AFF4: variants seen among roughly 807,000 people sequenced by gnomAD.
AFF4 encodes the protein ALF transcription elongation factor 4, also known as AF4/FMR2 family member 4.
In AFF4, 13 loss-of-function variants were observed where a neutral mutation model predicts 124.8. The observed-to-expected ratio is 0.10, with a 90% CI of 0.07 to 0.17. The LOEUF is 0.17. Ranked by LOEUF, AFF4 falls within the 10% of genes least tolerant of loss-of-function variation. AFF4 has a pLI of 1.00. For synonymous variants in AFF4, 477 were observed against 496.1 expected (o/e 0.96, Z 0.51); for missense variants, 1,092 against 1,403.8 (o/e 0.78, Z 3.55).
chr5:132,949,794 G>A (rs1034055787), intron 1 of AFF4, among the ~76,000 whole-genome samples: 11 of 150,940 alleles, frequency 7.3e-5, no homozygotes, highest in Non-Finnish European at 1.6e-4. Flanking sequence ...CCCGGGAGGC[G>A]GAGCTAGCAG....
At chr5:132,928,030 A>G (rs997714513) in intron 4 of AFF4, among the ~76,000 whole-genome samples, 2 of 152,178 alleles carry the variant, frequency 1.3e-5, no homozygotes, top group Non-Finnish European at 2.9e-5. Context: ...GTAAGCCATC[A>G]GGTAAATTAA....
chr5:132,960,746 T>G (rs1176738326), intron 1 of AFF4, among the ~76,000 whole-genome samples: 2 of 152,262 alleles, frequency 1.3e-5, no homozygotes, highest in Admixed American at 1.3e-4. Flanking sequence ...CACATTCAAA[T>G]TCAATCTAGT....
At chr5:132,922,596 A>G (rs955348825) in intron 5 of AFF4, among the ~76,000 whole-genome samples, 3 of 151,456 alleles carry the variant, frequency 2.0e-5, no homozygotes, top group Non-Finnish European at 4.4e-5. Flanking sequence ...CCTGGCCAAC[A>G]TGGTGAAACC....
chr5:132,916,816 T>C (rs1448415216), intron 5 of AFF4, among the ~76,000 whole-genome samples: 1 of 152,212 alleles, frequency 6.6e-6, no homozygotes, highest in African/African-American at 2.4e-5. Context: ...GAAAAAACTT[T>C]TAAAATCAAA....
chr5:132,888,344 C>CA (rs1179570763), intron 14 of AFF4, among the ~76,000 whole-genome samples, 184 bp from the exon 15 acceptor site: 2 of 151,616 alleles, frequency 1.3e-5, no homozygotes, highest in Middle Eastern at 3.2e-3. Flanking sequence ...TTGTTTTGAC[C>CA]AACTCATGGC....
chr5:132,911,717 G>A (rs537514782), intron 5 of AFF4, among the ~76,000 whole-genome samples: 3 of 151,468 alleles, frequency 2.0e-5, no homozygotes, highest in South Asian at 2.1e-4. Flanking sequence ...AAATTTGATG[G>A]AAACTATAAG....
chr5:132,883,329 A>AACCTACCT lies in AFF4; in HGVS notation c.3364+3_3364+10dup. On this transcript the variant is annotated intron_variant, in intron 20 of 20. Coordinates refer to ENST00000265343, the MANE Select transcript of AFF4 (RefSeq NM_014423.4). ...TTCCATCCCTTGAAGTTTATCCAGA[A>AACCTACCT]ACCTACCTACCTTTTTGCTCTTTGG... The AACCTACCT allele has an allele frequency of 6.2e-7, 1 of 1,612,880 alleles. No individual in the cohort carries two copies. Among genetic ancestry groups the AACCTACCT allele is most frequent in the Non-Finnish European group, 8.5e-7 (1 of 1,179,140 alleles).
In AFF4 at chr5:132,915,572, T is replaced by G. The variant is rs1760890831; in HGVS notation, c.1051-11168A>C. On this transcript the variant is annotated intron_variant, in intron 5 of 20. Coordinates refer to ENST00000265343, the MANE Select transcript of AFF4 (RefSeq NM_014423.4). ...TGACCCACTTCTTTTTTTTGGGTTT[T>G]TTTTTTTTTTTTTGAGATGGAGTCT... Among the ~76,000 whole-genome samples, 9 of 145,424 alleles carry G rather than the reference T, an allele frequency of 6.2e-5. No homozygotes were observed. The South Asian group carries it at 2.0e-3, about 32-fold the overall frequency.
chr5:132,899,413 AAAT>A (rs1760491836), intron 8 of AFF4, among the ~76,000 whole-genome samples, 171 bp downstream of exon 8: 1 of 152,212 alleles, frequency 6.6e-6, no homozygotes, highest in South Asian at 2.1e-4. Context: ...TTTTTTAAAA[AAAT>A]AAGAAAAAAA....
Position 132,892,153 on chromosome 5 carries a change from C to T in AFF4, c.2637+11G>A. On this transcript the variant is annotated intron_variant, in intron 13 of 20. Transcript: ENST00000265343. The stretch of plus-strand genomic sequence containing the variant: ...ATGATTTTCAAAAGCCCCAGGCCCC[C>T]AACACTTTACCTTAACCTCCTTGGA... The T allele has an allele frequency of 6.2e-7, 1 of 1,614,150 alleles. No individual in the cohort carries two copies.
At chr5:132,947,422 T>TA (rs1354789041) in intron 1 of AFF4, among the ~76,000 whole-genome samples, 3 of 152,170 alleles carry the variant, frequency 2.0e-5, no homozygotes, top group African/African-American at 7.2e-5. Flanking sequence ...AAATTAAAAC[T>TA]ATTTAGTGTA....
intron 11 of AFF4, among the ~76,000 whole-genome samples, chr5:132,893,987 T>C (rs1760327097): frequency 6.6e-6 from 1 of 152,186 alleles, no homozygotes; most frequent in Non-Finnish European, 1.5e-5. Flanking sequence ...GGTTCATCCA[T>C]GTTGCAGCAT....
intron 6 of AFF4, chr5:132,904,057 A>C (rs930281705): frequency 4.6e-6 from 1 of 217,894 alleles, no homozygotes; most frequent in Non-Finnish European, 9.5e-6. Context: ...GGAGTTCGAG[A>C]CCAGCCTGTG....
intron 7 of AFF4, among the ~76,000 whole-genome samples, chr5:132,901,869 A>C (rs1024566677): frequency 1.3e-5 from 2 of 152,098 alleles, no homozygotes; most frequent in Admixed American, 1.3e-4. Context: ...CCAACCTACC[A>C]CATTGTTTTA....
At chr5:132,892,496 T>G (rs1397991423) in intron 12 of AFF4, 92 bp from the exon 13 acceptor site, 1 of 1,495,378 alleles carries the variant, frequency 6.7e-7, no homozygotes, top group Non-Finnish European at 8.9e-7. Context: ...TCAAGACAAA[T>G]CTGTTTTTCC....
At chr5:132,921,154 C>T (rs1761035208) in intron 5 of AFF4, among the ~76,000 whole-genome samples, 2 of 151,142 alleles carry the variant, frequency 1.3e-5, no homozygotes, top group Non-Finnish European at 2.9e-5. Context: ...AATCTTAGCC[C>T]ATTTAAAAAT....
chr5:132,895,118 C>A (rs1281539630), intron 11 of AFF4, among the ~76,000 whole-genome samples: 1 of 152,148 alleles, frequency 6.6e-6, no homozygotes, highest in African/African-American at 2.4e-5. Context: ...AATCCCACAG[C>A]CAAGTCCAGC....
chr5:132,917,868 G>A (rs1382284922), intron 5 of AFF4, among the ~76,000 whole-genome samples: 8 of 147,994 alleles, frequency 5.4e-5, no homozygotes, highest in East Asian at 2.1e-4. Flanking sequence ...GTGTGCCACC[G>A]CACACAGCTA....
chr5:132,926,774 G>C (rs1322848056), intron 5 of AFF4: 1 of 144,290 alleles, frequency 6.9e-6, no homozygotes, highest in African/African-American at 2.8e-5. Flanking sequence ...TGACCAGGCT[G>C]GTCGCAAACT....
Sources: gnomAD v4.1 joint callset for allele counts (sites outside exome capture counted in the v4.1 genomes callset) on GRCh38, gnomAD v4.1.1 for gene constraint, MANE v1.5 for transcripts, NCBI Gene and HGNC (gene_info 2026-07-23, HGNC 2026-07-21) for gene names.